Variants in KIF6 observed in about 807,000 individuals in gnomAD.
KIF6 encodes the protein kinesin family member 6.
A neutral mutation model predicts 112.7 loss-of-function variants in KIF6; 106 were observed. The ratio of observed to expected loss-of-function variants is 0.94; its 90% confidence interval spans 0.80 to 1.11. The LOEUF is 1.11. Ranked by LOEUF, KIF6 falls within the 50% of genes least tolerant of loss-of-function variation. The probability of loss-of-function intolerance (pLI) is 0.00; values close to 1 mark genes in which losing one functional copy is unlikely to be tolerated. For synonymous variants in KIF6, 339 were observed against 339.9 expected, an observed-to-expected ratio of 1.00 and a Z score of 0.03; for missense variants, 929 against 964.0, an observed-to-expected ratio of 0.96 and a Z score of 0.48.
At chr6:39,457,700 T>C (rs1333290090) in intron 13 of KIF6, among the ~76,000 whole-genome samples, 2 of 151,870 alleles carry the variant, frequency 1.3e-5, no homozygotes, top group African/African-American at 2.4e-5. Flanking sequence ...TCACCACCGA[T>C]CCCACAGAAA....
At chr6:39,449,086 CTT>C (rs1772519818) in intron 13 of KIF6, among the ~76,000 whole-genome samples, 1 of 152,220 alleles carries the variant, frequency 6.6e-6, no homozygotes. Context: ...CTCTTTGTCT[CTT>C]TTTTAGCCTA....
At chr6:39,346,126 C>CTCTCTCTCTCTCTCTCT (rs1562113307) in intron 20 of KIF6, among the ~76,000 whole-genome samples, 1 of 23,846 alleles carries the variant, frequency 4.2e-5, no homozygotes, top group Non-Finnish European at 8.2e-5. Context: ...CCTCTCCCTC[C>CTCTCTCTCTCTCTCTCT]CTCTCCCTCT....
intron 13 of KIF6, among the ~76,000 whole-genome samples, chr6:39,470,175 G>C (rs752464771): frequency 5.3e-5 from 8 of 152,188 alleles, no homozygotes; most frequent in Non-Finnish European, 8.8e-5. Context: ...GGAGGGTTGA[G>C]AGTTGGGATA....
chr6:39,578,468 A>G (rs1315964212), intron 9 of KIF6, among the ~76,000 whole-genome samples: 2 of 151,422 alleles, frequency 1.3e-5, no homozygotes, highest in Non-Finnish European at 2.9e-5. Context: ...AGCTGGGACT[A>G]CAGGCGCATG....
At chr6:39,570,619 T>C (rs572472837) in intron 10 of KIF6, among the ~76,000 whole-genome samples, 1 of 152,292 alleles carries the variant, frequency 6.6e-6, no homozygotes, top group African/African-American at 2.4e-5. Context: ...CAATGTGTCA[T>C]GGGAGGGACC....
intron 3 of KIF6, 127 bp downstream of exon 3, chr6:39,714,565 T>C (rs1789723280): frequency 3.1e-6 from 2 of 641,576 alleles, no homozygotes; most frequent in South Asian, 3.9e-5. Context: ...ATTAATGCCA[T>C]CATCATTACA....
intron 3 of KIF6, among the ~76,000 whole-genome samples, chr6:39,652,913 T>C (rs762133363): frequency 1.3e-5 from 2 of 152,180 alleles, no homozygotes; most frequent in South Asian, 2.1e-4. Flanking sequence ...ATATGTTTGG[T>C]AGAATAATAT....
At chr6:39,560,739 T>G (rs1173230710) in intron 10 of KIF6, among the ~76,000 whole-genome samples, 2 of 152,216 alleles carry the variant, frequency 1.3e-5, no homozygotes, top group African/African-American at 4.8e-5. Context: ...TAATACATCT[T>G]TGCAACCCCA....
At chr6:39,480,447 A>C (rs1221881224) in intron 13 of KIF6, among the ~76,000 whole-genome samples, 1 of 152,112 alleles carries the variant, frequency 6.6e-6, no homozygotes, top group Non-Finnish European at 1.5e-5. Context: ...TGTTGGATTT[A>C]GTTAGCTAGT....
chr6:39,483,831 A>G (rs1026722813), intron 13 of KIF6, among the ~76,000 whole-genome samples: 5 of 152,194 alleles, frequency 3.3e-5, no homozygotes, highest in African/African-American at 1.2e-4. Context: ...GGTTCTGGTG[A>G]AAGACCAGGT....
At chr6:39,540,747 A>T (rs1778744029) in intron 12 of KIF6, among the ~76,000 whole-genome samples, 1 of 152,238 alleles carries the variant, frequency 6.6e-6, no homozygotes, top group African/African-American at 2.4e-5. Context: ...CCCCAAGCTC[A>T]GCACGTGCTT....
intron 10 of KIF6, among the ~76,000 whole-genome samples, chr6:39,550,192 A>G (rs1437746163): frequency 6.6e-6 from 1 of 152,246 alleles, no homozygotes; most frequent in African/African-American, 2.4e-5. Flanking sequence ...ATTATTCTCA[A>G]ATAATCTTTG....
chr6:39,511,977 G>C (rs1776813008), intron 13 of KIF6, among the ~76,000 whole-genome samples: 1 of 152,196 alleles, frequency 6.6e-6, no homozygotes, highest in African/African-American at 2.4e-5. Flanking sequence ...ATAGCATTAG[G>C]AGAAATACCT....
rs529331345 is a variant in KIF6 at position 39,337,165 on chromosome 6, T to C, written c.2429-617A>G. Among the ~76,000 whole-genome samples, 80 of 68,800 alleles carry C rather than the reference T, an allele frequency of 1.2e-3. 1 individual carries two copies. Among genetic ancestry groups the C allele is most frequent in the Non-Finnish European group, 1.6e-3 (66 of 40,982 alleles). 45.1% of individuals were successfully genotyped at this position (68,800 alleles called of 152,430 possible). On this transcript the variant is annotated intron_variant, in intron 22 of 22. Coordinates refer to ENST00000287152, the MANE Select transcript of KIF6 (RefSeq NM_145027.6). ...CTTCCTTTCTCTTTCTTTTCTTTCT[T>C]TCCTTCCTTCTTTCTTTCTTTCTTT...
intron 5 of KIF6, among the ~76,000 whole-genome samples, chr6:39,614,579 C>A (rs1357599459): frequency 1.3e-5 from 2 of 152,152 alleles, no homozygotes; most frequent in Non-Finnish European, 2.9e-5. Flanking sequence ...GCTCTACCAG[C>A]ACATCTGTGA....
At chr6:39,607,910 T>C (rs917355941) in intron 6 of KIF6, among the ~76,000 whole-genome samples, 1 of 152,330 alleles carries the variant, frequency 6.6e-6, no homozygotes, top group African/African-American at 2.4e-5. Flanking sequence ...TTGGAACTAA[T>C]TGAAACCAAA....
At chr6:39,377,664 TG>T (rs1766561286) in intron 16 of KIF6, among the ~76,000 whole-genome samples, 1 of 152,086 alleles carries the variant, frequency 6.6e-6, no homozygotes, top group African/African-American at 2.4e-5. Context: ...GAATGCTGGT[TG>T]GGGGAAAAGA....
chr6:39,688,913 G>C (rs10947831), intron 3 of KIF6, among the ~76,000 whole-genome samples: 42,988 of 152,050 alleles, frequency 0.28, 6,716 homozygotes, highest in Admixed American at 0.39. Flanking sequence ...ATCCAGCCTG[G>C]GTAGCATAGT....
intron 13 of KIF6, among the ~76,000 whole-genome samples, chr6:39,495,394 C>A (rs536041361): frequency 6.6e-5 from 10 of 152,302 alleles, no homozygotes; most frequent in Non-Finnish European, 2.9e-5. Flanking sequence ...TCAGTGGGAA[C>A]TTCCTCAGCA....
Sources: allele counts gnomAD v4.1 joint callset (sites outside exome capture counted in the v4.1 genomes callset), GRCh38; gene constraint gnomAD v4.1.1; transcripts MANE v1.5; gene names NCBI Gene and HGNC (gene_info 2026-07-23, HGNC 2026-07-21).